SYT1: variants seen among roughly 807,000 people sequenced by gnomAD.
The protein encoded by SYT1 is synaptotagmin 1, also known as synaptotagmin-1.
In SYT1, 8 loss-of-function variants were observed where a neutral mutation model predicts 44.8. The observed-to-expected ratio is 0.18, with a 90% confidence interval of 0.10 to 0.32. SYT1 has a LOEUF of 0.32. Among genes scored for constraint, SYT1 ranks in the 10% least tolerant of loss-of-function variants. SYT1 has a pLI of 1.00. For missense variants in SYT1, 286 were observed against 509.3 expected, an observed-to-expected ratio of 0.56 and a Z score of 4.22; for synonymous variants, 154 against 188.8, an observed-to-expected ratio of 0.82 and a Z score of 1.51.
intron 3 of SYT1, among the ~76,000 whole-genome samples, chr12:79,115,027 C>A (rs551023708): frequency 4.4e-4 from 67 of 152,272 alleles, no homozygotes; most frequent in African/African-American, 1.5e-3. Context: ...AGACCTCTCC[C>A]ACTCTTTTCT....
At chr12:79,122,085 TAA>T (rs376516679) in intron 3 of SYT1, among the ~76,000 whole-genome samples, 1 of 152,368 alleles carries the variant, frequency 6.6e-6, no homozygotes, top group African/African-American at 2.4e-5. Context: ...GCAAGATTTA[TAA>T]GAGTCTTCAA....
At chr12:79,109,977 C>CATTGAA (rs1878924963) in intron 3 of SYT1, among the ~76,000 whole-genome samples, 1 of 152,150 alleles carries the variant, frequency 6.6e-6, no homozygotes, top group Non-Finnish European at 1.5e-5. Flanking sequence ...ATAAATTAGT[C>CATTGAA]TCATATGATT....
intron 4 of SYT1, among the ~76,000 whole-genome samples, chr12:79,230,868 G>C (rs1444202446): frequency 6.6e-6 from 1 of 152,150 alleles, no homozygotes; most frequent in Non-Finnish European, 1.5e-5. Flanking sequence ...TGAGGGGCTT[G>C]AACAAGATTT....
intron 4 of SYT1, among the ~76,000 whole-genome samples, chr12:79,243,761 A>G (rs1250996871): frequency 6.6e-6 from 1 of 152,116 alleles, no homozygotes; most frequent in Admixed American, 6.5e-5. Context: ...CAAGCAGGAA[A>G]AAAAGGTAAC....
chr12:79,179,494 T>TATATATATCC (rs1872339345), intron 3 of SYT1, among the ~76,000 whole-genome samples: 2 of 108,454 alleles, frequency 1.8e-5, no homozygotes, highest in African/African-American at 7.6e-5. Context: ...TAGATATATC[T>TATATATATCC]ATATAGATAT....
chr12:79,227,885 C>G (rs1875616275), intron 4 of SYT1, among the ~76,000 whole-genome samples: 1 of 152,098 alleles, frequency 6.6e-6, no homozygotes, highest in Non-Finnish European at 1.5e-5. Flanking sequence ...TAGAAAAACC[C>G]TCTATTCAGG....
chr12:79,099,854 T>C (rs1447678592), intron 3 of SYT1, among the ~76,000 whole-genome samples: 1 of 152,150 alleles, frequency 6.6e-6, no homozygotes, highest in Non-Finnish European at 1.5e-5. Flanking sequence ...ACTAATACTC[T>C]GTACTCCTAA....
At chr12:79,280,294 AT>A (rs1161893722) in intron 4 of SYT1, among the ~76,000 whole-genome samples, 1 of 152,042 alleles carries the variant, frequency 6.6e-6, no homozygotes, top group Non-Finnish European at 1.5e-5. Flanking sequence ...TAAAAGTAAT[AT>A]AAAAGTAGAC....
intron 3 of SYT1, among the ~76,000 whole-genome samples, chr12:79,099,925 G>A (rs528248505): frequency 2.4e-4 from 36 of 152,148 alleles, no homozygotes; most frequent in African/African-American, 8.4e-4. Flanking sequence ...CCAGGTAATC[G>A]TAGGCATGCT....
In SYT1 at chr12:79,239,846, C is replaced by T. The variant is rs75078782; in HGVS notation, c.166+22161C>T. On this transcript the variant is annotated intron_variant, in intron 4 of 10. Transcript: ENST00000261205. ...TTCCTTGAAATTACAGGACTGAGAC[C>T]CTCAGTTCCTAAAGATGACTCTGCC... 4.1e-3 allele frequency among the ~76,000 whole-genome samples: 630 copies of T among 152,194 alleles called. 3 individuals are homozygous for T. Among genetic ancestry groups the T allele is most frequent in the African/African-American group, 0.014 (594 of 41,528 alleles).
chr12:78,910,423 G>A (rs1358598353), intron 1 of SYT1, among the ~76,000 whole-genome samples: 1 of 151,736 alleles, frequency 6.6e-6, no homozygotes, highest in Non-Finnish European at 1.5e-5. Context: ...TTAGACTCTA[G>A]GACTCAAATA....
At chr12:78,900,468 G>GTC (rs1406741192) in intron 1 of SYT1, among the ~76,000 whole-genome samples, 1 of 152,078 alleles carries the variant, frequency 6.6e-6, no homozygotes, top group African/African-American at 2.4e-5. Flanking sequence ...AGTCAAGGAA[G>GTC]TCTCCTTTGA....
intron 8 of SYT1, among the ~76,000 whole-genome samples, chr12:79,311,774 A>G (rs571009985): frequency 6.8e-6 from 1 of 147,576 alleles, no homozygotes; most frequent in Non-Finnish European, 1.5e-5. Flanking sequence ...AAGGACAAAA[A>G]AGCAAACACC....
intron 3 of SYT1, among the ~76,000 whole-genome samples, chr12:79,177,180 A>G (rs1179235025): frequency 5.1e-5 from 5 of 99,002 alleles, no homozygotes; most frequent in African/African-American, 1.2e-4. Flanking sequence ...ATATCTCCCA[A>G]TGCTATCCCT....
intron 4 of SYT1, among the ~76,000 whole-genome samples, chr12:79,269,534 T>G (rs138469911): frequency 2.1e-3 from 313 of 152,286 alleles, no homozygotes; most frequent in African/African-American, 6.9e-3. Context: ...AAATGAACGG[T>G]TAAATGATCT....
chr12:79,045,839 G>A (rs1469499232), intron 2 of SYT1: 3 of 152,174 alleles, frequency 2.0e-5, no homozygotes, highest in South Asian at 2.1e-4. Context: ...AAGTAGTAAT[G>A]TACAATGTAT....
chr12:79,062,141 G>A (rs1339755610), intron 3 of SYT1, among the ~76,000 whole-genome samples: 2 of 152,000 alleles, frequency 1.3e-5, no homozygotes, highest in Admixed American at 6.6e-5. Flanking sequence ...ACATTTTGTT[G>A]TTATTTTCTG....
At chr12:79,436,107 A>T (rs12815682) in intron 9 of SYT1, among the ~76,000 whole-genome samples, 80,235 of 152,050 alleles carry the variant, frequency 0.53, 26,217 homozygotes, top group Non-Finnish European at 0.72. Flanking sequence ...GGGAAAATGA[A>T]TTTTAGGGGA....
At chr12:78,980,589 T>C (rs1869176540) in intron 2 of SYT1, among the ~76,000 whole-genome samples, 1 of 152,298 alleles carries the variant, frequency 6.6e-6, no homozygotes, top group African/African-American at 2.4e-5. Context: ...TATTTGGGAC[T>C]CAAAACTTAT....
Sources: allele counts gnomAD v4.1 joint callset (sites outside exome capture counted in the v4.1 genomes callset), GRCh38; gene constraint gnomAD v4.1.1; transcripts MANE v1.5; gene names NCBI Gene and HGNC (gene_info 2026-07-23, HGNC 2026-07-21).